Variants in DLC1 observed in about 807,000 individuals in gnomAD.
The protein encoded by DLC1 is rho GTPase-activating protein 7.
Under a neutral mutation model 140.3 loss-of-function variants are expected in DLC1, and 54 were observed. The ratio of observed to expected loss-of-function variants is 0.38; its 90% CI spans 0.31 to 0.48. The LOEUF (loss-of-function observed/expected upper bound fraction) is 0.48. Ranked by LOEUF, DLC1 falls within the 20% of genes least tolerant of loss-of-function variation. The probability of loss-of-function intolerance (pLI) is 0.96; values close to 1 mark genes in which losing one functional copy is unlikely to be tolerated. For missense variants in DLC1, 2,536 were observed against 1,907.0 expected (o/e 1.33, Z -6.14); for synonymous variants, 986 against 728.1 (o/e 1.35, Z -5.70).
intron 2 of DLC1, among the ~76,000 whole-genome samples, chr8:13,476,760 A>G (rs1008526513): frequency 4.6e-5 from 7 of 152,200 alleles, no homozygotes; most frequent in African/African-American, 1.7e-4. Flanking sequence ...ACAAATGTTC[A>G]ACGGTAAAAA....
chr8:13,085,609 T>G lies in DLC1; in HGVS notation c.*202A>C. The G allele has an allele frequency of 1.5e-6, 1 of 664,744 alleles. No individual in the cohort carries two copies. Among genetic ancestry groups the G allele is most frequent in the Non-Finnish European group, 2.3e-6 (1 of 433,846 alleles). 41.2% of individuals were successfully genotyped at this position (664,744 alleles called of 1,614,324 possible). ...TTTTTTTTTGCACAGTCTTACATAT[T>G]CCAGTCAAGGTCTATGAATACAGAC... On this transcript the variant is annotated 3_prime_UTR_variant, in exon 18 of 18. Coordinates refer to ENST00000276297, the MANE Select transcript of DLC1 (RefSeq NM_182643.3).
chr8:13,102,827 G>A lies in DLC1; in HGVS notation c.1529C>T (p.Ala510Val), dbSNP rs1064795440. The change falls in exon 8 of 18, where the codon GCG becomes GTG. Residue 510 changes from alanine to valine, a missense_variant. Ala to Val is a moderately conservative substitution (Grantham distance 64). Transcript: ENST00000276297. ...CRRLNTLNKCAVMKLEISPHR... is the reference protein window; with the variant it reads ...CRRLNTLNKCVVMKLEISPHR... The stretch of plus-strand genomic sequence containing the variant: ...AGGACTAATTTCTAGCTTCATCACC[G>A]CACATTTGTTTAAAGTATTTAGACG... 12 of 1,613,658 alleles carry A rather than the reference G, an allele frequency of 7.4e-6. No homozygotes were observed. The highest frequency in any genetic ancestry group is 3.3e-5 in the Admixed American group (2 of 59,992).
intron 1 of DLC1, chr8:13,568,090 G>A: frequency 1.1e-6 from 1 of 928,982 alleles, no homozygotes. Flanking sequence ...TCCTATTATA[G>A]AAGGCACTGT....
At chr8:13,537,937 A>G (rs1023654742) in intron 1 of DLC1, among the ~76,000 whole-genome samples, 1 of 152,138 alleles carries the variant, frequency 6.6e-6, no homozygotes. Flanking sequence ...TACAGGCGTG[A>G]GCCACCGCAC....
chr8:13,167,411 C>T (rs1825178633), intron 5 of DLC1, among the ~76,000 whole-genome samples: 1 of 152,114 alleles, frequency 6.6e-6, no homozygotes, highest in Admixed American at 6.5e-5. Flanking sequence ...TGATCTGGAC[C>T]ATGCCTCCTT....
intron 2 of DLC1, among the ~76,000 whole-genome samples, chr8:13,420,763 C>T (rs1227173284): frequency 1.3e-5 from 2 of 152,110 alleles, no homozygotes; most frequent in Admixed American, 6.6e-5. Context: ...GCATAGTATT[C>T]TGTGGTGTAT....
At chr8:13,292,637 A>G (rs1831800207) in intron 5 of DLC1, among the ~76,000 whole-genome samples, 1 of 152,164 alleles carries the variant, frequency 6.6e-6, no homozygotes, top group Non-Finnish European at 1.5e-5. Flanking sequence ...ATACTTTAAA[A>G]AAAAACACAG....
At chr8:13,276,612 G>T in intron 5 of DLC1, 1 of 1,233,368 alleles carries the variant, frequency 8.1e-7, no homozygotes. Flanking sequence ...CTTACCCTGC[G>T]CCGGCGACAC....
chr8:13,386,207 G>T (rs545898905), intron 4 of DLC1, among the ~76,000 whole-genome samples: 1 of 152,112 alleles, frequency 6.6e-6, no homozygotes, highest in Non-Finnish European at 1.5e-5. Context: ...TTGCAGGAAT[G>T]ATTTTTAAAT....
At chr8:13,576,704 G>C (rs1237372663) in intron 1 of DLC1, among the ~76,000 whole-genome samples, 1 of 152,158 alleles carries the variant, frequency 6.6e-6, no homozygotes, top group Non-Finnish European at 1.5e-5. Context: ...TCCTCAGTGA[G>C]TGTGTCAAAT....
intron 5 of DLC1, among the ~76,000 whole-genome samples, chr8:13,143,813 TGAGAGAGAGAGAGAGAGA>T (rs35079610): frequency 1.6e-5 from 2 of 128,642 alleles, no homozygotes; most frequent in African/African-American, 3.1e-5. Context: ...AATGAAAAGC[TGAGAGAGAGAGAGAGAGA>T]GAGAGAGAGA....
At chr8:13,463,227 C>T (rs1023325870) in intron 2 of DLC1, among the ~76,000 whole-genome samples, 1 of 151,896 alleles carries the variant, frequency 6.6e-6, no homozygotes, top group Non-Finnish European at 1.5e-5. Flanking sequence ...GTCAGATTTG[C>T]AGTTCTTGTG....
intron 1 of DLC1, among the ~76,000 whole-genome samples, chr8:13,561,672 C>A (rs1585276447): frequency 6.6e-6 from 1 of 152,036 alleles, no homozygotes; most frequent in East Asian, 1.9e-4. Context: ...CAGAGCTTTG[C>A]AATAATAGCA....
chr8:13,455,579 T>C (rs118135550), intron 2 of DLC1, among the ~76,000 whole-genome samples: 2,486 of 152,306 alleles, frequency 0.016, 35 homozygotes, highest in Non-Finnish European at 0.029. Flanking sequence ...GCTCTCTCCC[T>C]TATCTCTTTC....
chr8:13,380,520 C>T lies in DLC1; in HGVS notation c.1314+13033G>A, dbSNP rs192397020. ...TTAAGGAACCAAAGGGTGGTAGTCA[C>T]CCCACTTTGGGTTGTATGTACCCAT... On this transcript the variant is annotated intron_variant, in intron 4 of 17. Coordinates refer to ENST00000276297, the MANE Select transcript of DLC1 (RefSeq NM_182643.3). Among the ~76,000 whole-genome samples, 7 of 152,296 alleles carry T rather than the reference C, an allele frequency of 4.6e-5. No individual in the cohort carries two copies. In the East Asian group the frequency reaches 1.2e-3, roughly 25 times the overall value.
chr8:13,123,121 G>C (rs763019914), intron 5 of DLC1, among the ~76,000 whole-genome samples: 1 of 152,130 alleles, frequency 6.6e-6, no homozygotes, highest in African/African-American at 2.4e-5. Flanking sequence ...GAAACGAACT[G>C]GTTTCCTAAG....
At chr8:13,320,982 A>G (rs1833080145) in intron 4 of DLC1, among the ~76,000 whole-genome samples, 1 of 152,182 alleles carries the variant, frequency 6.6e-6, no homozygotes, top group African/African-American at 2.4e-5. Flanking sequence ...GAAGAGCCTG[A>G]GGCCCTTACC....
At chr8:13,158,252 A>G (rs186464776) in intron 5 of DLC1, among the ~76,000 whole-genome samples, 1 of 152,174 alleles carries the variant, frequency 6.6e-6, no homozygotes, top group Non-Finnish European at 1.5e-5. Context: ...TTAAGTGTAC[A>G]CTTATTTATG....
At chr8:13,540,562 C>T (rs893021958) in intron 1 of DLC1, among the ~76,000 whole-genome samples, 1 of 152,194 alleles carries the variant, frequency 6.6e-6, no homozygotes, top group Non-Finnish European at 1.5e-5. Context: ...TGTGTCTGCG[C>T]AGACTGTAGG....
Sources: allele counts gnomAD v4.1 joint callset (sites outside exome capture counted in the v4.1 genomes callset), GRCh38; gene constraint gnomAD v4.1.1; transcripts MANE v1.5; gene names NCBI Gene and HGNC (gene_info 2026-07-23, HGNC 2026-07-21).